Variants in RDH13 observed in about 807,000 individuals in gnomAD.
The protein encoded by RDH13 is retinol dehydrogenase 13, also known as retinol dehydrogenase 13 (all-trans and 9-cis).
A neutral mutation model predicts 28.3 loss-of-function variants in RDH13; 35 were observed. That is an observed-to-expected ratio of 1.24 (90% CI 0.95 to 1.64). The LOEUF is 1.64. Ranked by LOEUF, RDH13 falls within the 40% of genes most tolerant of loss-of-function variation. RDH13 has a pLI of 0.00. For synonymous variants in RDH13, 229 were observed against 198.5 expected, an observed-to-expected ratio of 1.15 and a Z score of -1.29; for missense variants, 514 against 446.3, an observed-to-expected ratio of 1.15 and a Z score of -1.37.
At chr19:55,045,364 AGCCCC>A (rs2075185612) in intron 6 of RDH13, 55 bp from the exon 7 acceptor site, 2 of 1,424,642 alleles carry the variant, frequency 1.4e-6, no homozygotes, top group Non-Finnish European at 9.6e-7. Flanking sequence ...GAAGGAAGGA[AGCCCC>A]GCTCCCCGGT....
chr19:55,040,895 G>A (rs968009203), downstream of RDH13: 1 of 152,258 alleles, frequency 6.6e-6, no homozygotes, highest in Non-Finnish European at 1.5e-5. Flanking sequence ...GGGAGGCCGA[G>A]GCAGGCAGAT....
chr19:55,047,307 A>AG (rs907989640), intron 6 of RDH13, 80 bp downstream of exon 6: 16 of 1,549,018 alleles, frequency 1.0e-5, no homozygotes, highest in Non-Finnish European at 1.3e-5. Flanking sequence ...ACGGTCTCTG[A>AG]GGGAGGGTCC....
Position 55,048,775 on chromosome 19 carries a change from G to T in RDH13, c.341-12C>A. The T allele has an allele frequency of 3.1e-6, 5 of 1,609,276 alleles. No homozygotes were observed. Among genetic ancestry groups the T allele is most frequent in the Non-Finnish European group, 4.3e-6 (5 of 1,176,004 alleles). On this transcript the variant is annotated splice_polypyrimidine_tract_variant and intron_variant, in intron 3 of 6. Transcript: ENST00000415061. ...CACTCGCTCCTCCTCTGGAAGAGAGGGGTGGAGGAGGAGACATCCCGGTGA... is the reference window on the plus strand; with the variant it reads ...CACTCGCTCCTCCTCTGGAAGAGAGTGGTGGAGGAGGAGACATCCCGGTGA...
At position 55,044,459 on chromosome 19, in the gene RDH13, CGT is replaced by C. The variant is rs1282197386; in HGVS notation, c.*613_*614del. ...AGCTGGTGGGGTTCCCACTCCATGC[CGT>C]GCAGAGCCTGAACTCAGGATGACAC... is the stretch of plus-strand genomic sequence containing the variant. On this transcript the variant is annotated 3_prime_UTR_variant, in exon 7 of 7. Coordinates refer to ENST00000415061, the MANE Select transcript of RDH13 (RefSeq NM_001145971.2). 1 of 152,178 alleles carries C rather than the reference CGT, an allele frequency of 6.6e-6. No individual in the cohort carries two copies. The highest frequency in any genetic ancestry group is 1.5e-5 in the Non-Finnish European group (1 of 68,072). The allele number at this position is 152,178 out of a possible 1,614,324, so 9.4% of individuals were successfully genotyped here. A position where few individuals can be genotyped will look rare whatever the true frequency, so the allele number is the denominator to read the frequency against.
At chr19:55,052,063 C>CTTTTTTTTTTTTTTTTT (rs111427426) in intron 3 of RDH13, among the ~76,000 whole-genome samples, 1 of 120,734 alleles carries the variant, frequency 8.3e-6, no homozygotes, top group African/African-American at 3.4e-5. Flanking sequence ...ACTGCCTCAA[C>CTTTTTTTTTTTTTTTTT]TTTTTTTTTT....
rs113172282 is a variant in RDH13 at position 55,045,269 on chromosome 19, G to A, written c.801C>T (p.Ala267=). Residue 267 remains alanine, a synonymous_variant, in exon 7 of 7, where the codon GCC becomes GCT. Transcript: ENST00000415061. The part of the protein sequence containing the change: ...FWLLVKSPEL[A]AQPSTYLAVA... ...CGGCCAGGTATGTGCTGGGCTGGGC[G>A]GCCAGCTCGGGGCTCTTGACCAGCA... 377 of 1,613,082 alleles carry A rather than the reference G, an allele frequency of 2.3e-4. 7 individuals are homozygous for A. Among genetic ancestry groups the A allele is most frequent in the African/African-American group, 2.2e-3 (162 of 75,062 alleles).
upstream of RDH13, chr19:55,063,165 G>C (rs2147080620): frequency 2.4e-6 from 2 of 843,160 alleles, no homozygotes; most frequent in African/African-American, 3.5e-5. Flanking sequence ...GGCTGGGCCC[G>C]CGTCCGGAAC....
At chr19:55,060,455 C>T (rs1368585800) in intron 1 of RDH13, among the ~76,000 whole-genome samples, 3 of 152,184 alleles carry the variant, frequency 2.0e-5, no homozygotes, top group Admixed American at 1.3e-4. Flanking sequence ...TTGCTGACCT[C>T]ATTATCACCC....
At position 55,048,729 on chromosome 19, in the gene RDH13, C is replaced by G; in HGVS notation, c.375G>C (p.Ala125=). Residue 125 remains alanine (A), a synonymous_variant, in exon 4 of 7, where the codon GCG becomes GCC. Transcript: ENST00000415061. ...EERVDILINN[A]GVMRCPHWTT... The stretch of plus-strand genomic sequence containing the variant: ...TCCAGTGGGGGCACCGCATCACACC[C>G]GCGTTGTTGATTAGAATGTCCACTC... The G allele has an allele frequency of 1.2e-6, 2 of 1,613,956 alleles. No individual in the cohort carries two copies. The highest frequency in any genetic ancestry group is 1.7e-6 in the Non-Finnish European group (2 of 1,180,000).
chr19:55,047,231 G>A, intron 6 of RDH13, 156 bp downstream of exon 6: 1 of 1,419,216 alleles, frequency 7.0e-7, no homozygotes, highest in Non-Finnish European at 9.2e-7. Context: ...CAGGTCAACG[G>A]AGGAAAGGGA....
At chr19:55,059,123 A>C (rs377168342) in intron 2 of RDH13, 34 bp downstream of exon 2, 74 of 1,370,850 alleles carry the variant, frequency 5.4e-5, no homozygotes, top group Admixed American at 7.8e-5. Context: ...ATGTACAGAT[A>C]TCTCTCTGAG....
chr19:55,048,510 GTCCAGCAGCAAGT>G lies in RDH13; in HGVS notation c.464_476del (p.Asn155ThrfsTer3). On this transcript the variant is annotated frameshift_variant, in exon 5 of 7. Coordinates refer to ENST00000415061, the MANE Select transcript of RDH13 (RefSeq NM_001145971.2). LOFTEE classifies it high-confidence loss of function. ...GCGAAGGGGCTGAGGCTTTCAGCTT[GTCCAGCAGCAAGT>G]TTGTCAAGAGAAAGTGACCTGGATT... 6.2e-7 allele frequency: 1 copy of G among 1,614,198 alleles called. No individual in the cohort carries two copies. The highest frequency in any genetic ancestry group is 8.5e-7 in the Non-Finnish European group (1 of 1,180,034).
intron 1 of RDH13, among the ~76,000 whole-genome samples, chr19:55,061,357 C>G (rs2075801520): frequency 1.3e-5 from 2 of 152,028 alleles, no homozygotes; most frequent in Admixed American, 6.5e-5. Flanking sequence ...TCTCGAACTC[C>G]TGACCTTGTG....
chr19:55,066,520 CTCTT>C (rs2147093615), upstream of RDH13, among the ~76,000 whole-genome samples: 1 of 132,696 alleles, frequency 7.5e-6, no homozygotes, highest in Admixed American at 7.7e-5. Context: ...TCTCACATCT[CTCTT>C]TCCCTTCCTT....
intron 1 of RDH13, among the ~76,000 whole-genome samples, chr19:55,069,068 G>A (rs964376825): frequency 2.8e-5 from 4 of 145,202 alleles, no homozygotes; most frequent in Non-Finnish European, 1.5e-5. Flanking sequence ...TCCTATCCCC[G>A]TCACCACCCC....
chr19:55,040,762 T>G (rs1238726847), downstream of RDH13: 1 of 152,268 alleles, frequency 6.6e-6, no homozygotes, highest in African/African-American at 2.4e-5. Flanking sequence ...CGTTTTTGTT[T>G]GCACTTATTG....
intron 3 of RDH13, among the ~76,000 whole-genome samples, chr19:55,055,228 C>G (rs1159149851): frequency 6.6e-6 from 1 of 152,100 alleles, no homozygotes; most frequent in Non-Finnish European, 1.5e-5. Flanking sequence ...TCTCAGCTCA[C>G]TGCAACCTCC....
chr19:55,052,063 CTTTTTTTTTTTTTTT>C (rs111427426), intron 3 of RDH13, among the ~76,000 whole-genome samples: 2 of 120,734 alleles, frequency 1.7e-5, no homozygotes, highest in Non-Finnish European at 3.3e-5. Context: ...ACTGCCTCAA[CTTTTTTTTTTTTTTT>C]TTTTTTTTGG....
Position 55,048,676 on chromosome 19 carries a change from A to G in RDH13, c.428T>C (p.Phe143Ser). ...GGCCTCACCCAGGTGGTTAACGCCA[A>G]ACTGCATCTCGAAGCCGTCCTCGGT... ...WTTEDGFEMQ[F>S]GVNHLGHFLL... The change falls in exon 4 of 7, where the codon TTT becomes TCT. Residue 143 changes from phenylalanine (F) to serine (S), a missense_variant. By Grantham distance (155) the Phe-to-Ser change is radical. Transcript: ENST00000415061. 2 of 1,613,860 alleles carry G rather than the reference A, an allele frequency of 1.2e-6. No homozygotes were observed. The highest frequency in any genetic ancestry group is 2.2e-5 in the South Asian group (2 of 91,046).
Sources: gnomAD v4.1 joint callset for allele counts (sites outside exome capture counted in the v4.1 genomes callset) on GRCh38, gnomAD v4.1.1 for gene constraint, MANE v1.5 for transcripts, NCBI Gene and HGNC (gene_info 2026-07-23, HGNC 2026-07-21) for gene names.